The following LRRTM4 variants were observed in gnomAD, a reference collection of about 807,000 sequenced individuals.
The protein encoded by LRRTM4 is leucine-rich repeat transmembrane neuronal protein 4.
A neutral mutation model predicts 47.6 loss-of-function variants in LRRTM4; 25 were observed. The observed-to-expected ratio is 0.53, with a 90% CI of 0.38 to 0.73. The LOEUF (loss-of-function observed/expected upper bound fraction) is 0.73. LRRTM4 is among the 30% of genes least tolerant of loss of function. The pLI is 0.00. For synonymous variants in LRRTM4, 311 were observed against 269.5 expected, an observed-to-expected ratio of 1.15 and a Z score of -1.51; for missense variants, 638 against 713.4, an observed-to-expected ratio of 0.89 and a Z score of 1.20.
chr2:77,031,729 A>G (rs2104141037), intron 3 of LRRTM4, among the ~76,000 whole-genome samples: 1 of 150,734 alleles, frequency 6.6e-6, no homozygotes, highest in Admixed American at 6.6e-5. Flanking sequence ...CTCTAACTAT[A>G]TCTTTGTGTG....
chr2:77,325,830 T>C (rs558776630), intron 3 of LRRTM4, among the ~76,000 whole-genome samples: 19 of 152,172 alleles, frequency 1.2e-4, no homozygotes, highest in Non-Finnish European at 5.9e-5. Context: ...CCATTATGGA[T>C]CATTTTTAAA....
intron 3 of LRRTM4, among the ~76,000 whole-genome samples, chr2:77,203,004 T>G (rs1674020289): frequency 3.9e-5 from 6 of 152,062 alleles, no homozygotes; most frequent in Admixed American, 3.9e-4. Context: ...TTTCGCACAT[T>G]AAGACTACCT....
Position 76,913,543 on chromosome 2 carries a change from A to ATTT in LRRTM4, c.1552-164630_1552-164628dup, listed in dbSNP as rs58615415. Among the ~76,000 whole-genome samples, 6 of 121,484 alleles carry ATTT rather than the reference A, an allele frequency of 4.9e-5. 1 individual carries two copies. The highest frequency in any genetic ancestry group is 9.6e-5 in the Admixed American group (1 of 10,412). The allele number at this position is 121,484 out of a possible 152,430, so 79.7% of individuals were successfully genotyped here. A position where few individuals can be genotyped will look rare whatever the true frequency, so the allele number is the denominator to read the frequency against. On this transcript the variant is annotated intron_variant, in intron 3 of 3. Coordinates refer to ENST00000409884, the MANE Select transcript of LRRTM4 (RefSeq NM_001134745.3). Reference sequence around the variant, plus strand: ...CCAAATATTTAGAGATCCTATTTCAATTTTTTTTTTTTTTGAGACAGAGTC... The same window carrying ATTT: ...CCAAATATTTAGAGATCCTATTTCAATTTTTTTTTTTTTTTTTGAGACAGAGTC...
chr2:77,461,346 C>T (rs368182630), intron 3 of LRRTM4, among the ~76,000 whole-genome samples: 5 of 152,230 alleles, frequency 3.3e-5, no homozygotes, highest in African/African-American at 9.6e-5. Flanking sequence ...AAACTCAGTA[C>T]TTGCCAGCAG....
At chr2:77,041,236 T>C (rs946193636) in intron 3 of LRRTM4, among the ~76,000 whole-genome samples, 2 of 151,632 alleles carry the variant, frequency 1.3e-5, no homozygotes, top group African/African-American at 2.4e-5. Context: ...ATCCATGTTG[T>C]TGTAAATGAC....
At chr2:77,270,988 G>A (rs1281546735) in intron 3 of LRRTM4, among the ~76,000 whole-genome samples, 2 of 152,144 alleles carry the variant, frequency 1.3e-5, no homozygotes, top group Non-Finnish European at 2.9e-5. Context: ...AGGCTCAGTC[G>A]GTAGAGGGAG....
In LRRTM4 at chr2:77,033,242, G is replaced by A. The variant is rs1369183030; in HGVS notation, c.1552-284326C>T. Among the ~76,000 whole-genome samples the A allele has an allele frequency of 2.0e-5, 3 of 151,862 alleles. No individual in the cohort carries two copies. The East Asian group carries it at 5.8e-4, about 29-fold the overall frequency. On this transcript the variant is annotated intron_variant, in intron 3 of 3. Transcript: ENST00000409884. ...TTTCTAAACAAGATCATTGTCACAT[G>A]CATTTATTATTTTAAATGGGCTCTC...
intron 3 of LRRTM4, among the ~76,000 whole-genome samples, chr2:77,252,402 A>G (rs1280484423): frequency 1.3e-5 from 2 of 152,204 alleles, no homozygotes; most frequent in African/African-American, 2.4e-5. Context: ...CCTCTGCGGG[A>G]ACAGGAGCCA....
At position 77,407,712 on chromosome 2, in the gene LRRTM4, C is replaced by A. The variant is rs866316261; in HGVS notation, c.1551+110606G>T. Among the ~76,000 whole-genome samples, 49 of 131,714 alleles carry A rather than the reference C, an allele frequency of 3.7e-4. 2 individuals carry two copies. Among genetic ancestry groups the A allele is most frequent in the African/African-American group, 1.2e-3 (43 of 35,032 alleles). 86.4% of individuals were successfully genotyped at this position (131,714 alleles called of 152,430 possible). A position where few individuals can be genotyped will look rare whatever the true frequency, so the allele number is the denominator to read the frequency against. ...ATAATATATGATATATATAATATAT[C>A]ATATATTATATTATATATTATATAT... On this transcript the variant is annotated intron_variant, in intron 3 of 3. Transcript: ENST00000409884.
chr2:77,329,699 G>A (rs933516065), intron 3 of LRRTM4, among the ~76,000 whole-genome samples: 2 of 152,132 alleles, frequency 1.3e-5, no homozygotes, highest in African/African-American at 2.4e-5. Context: ...ACAAATGCCT[G>A]CCACCAGCAG....
At chr2:77,294,557 C>T (rs763288085) in intron 3 of LRRTM4, among the ~76,000 whole-genome samples, 11 of 152,020 alleles carry the variant, frequency 7.2e-5, no homozygotes, top group Non-Finnish European at 1.6e-4. Flanking sequence ...TCTTCAGAAG[C>T]TAACTACATG....
At chr2:77,356,264 G>T (rs1173273610) in intron 3 of LRRTM4, among the ~76,000 whole-genome samples, 3 of 152,122 alleles carry the variant, frequency 2.0e-5, no homozygotes, top group Admixed American at 1.3e-4. Context: ...ATAATCTGAA[G>T]AACATTTCAA....
intron 3 of LRRTM4, among the ~76,000 whole-genome samples, chr2:77,511,571 T>C (rs1573511641): frequency 1.3e-5 from 2 of 151,956 alleles, no homozygotes; most frequent in South Asian, 2.1e-4. Flanking sequence ...GTTTGCTAAC[T>C]TATTTTAAGC....
chr2:77,029,055 ATATAT>A lies in LRRTM4; in HGVS notation c.1552-280144_1552-280140del, dbSNP rs550769394. Among the ~76,000 whole-genome samples, 239 of 143,982 alleles carry A rather than the reference ATATAT, an allele frequency of 1.7e-3. 8 individuals are homozygous for A. In the South Asian group the frequency reaches 0.048, roughly 29 times the overall value. The allele number at this position is 143,982 out of a possible 152,430, so 94.5% of individuals were successfully genotyped here. On this transcript the variant is annotated intron_variant, in intron 3 of 3. Coordinates refer to ENST00000409884, the MANE Select transcript of LRRTM4 (RefSeq NM_001134745.3). ...ATCACACACACACACACACACAAAT[ATATAT>A]ATATATATATAATATATATATATTA... is the stretch of plus-strand genomic sequence containing the variant.
intron 3 of LRRTM4, among the ~76,000 whole-genome samples, chr2:76,910,531 C>T (rs539987258): frequency 6.6e-6 from 1 of 152,128 alleles, no homozygotes; most frequent in South Asian, 2.1e-4. Flanking sequence ...TCTTATAGCA[C>T]CATTATTACG....
chr2:77,244,400 T>A (rs993008428), intron 3 of LRRTM4, among the ~76,000 whole-genome samples: 1 of 152,106 alleles, frequency 6.6e-6, no homozygotes, highest in Non-Finnish European at 1.5e-5. Context: ...GTGTAAAGCA[T>A]TCATATTAAT....
chr2:77,016,813 C>T (rs1319466582), intron 3 of LRRTM4, among the ~76,000 whole-genome samples: 3 of 152,000 alleles, frequency 2.0e-5, no homozygotes, highest in African/African-American at 4.8e-5. Flanking sequence ...CATTTGCCGC[C>T]TCTGGCTGCA....
chr2:77,040,978 T>C (rs1679009879), intron 3 of LRRTM4, among the ~76,000 whole-genome samples: 1 of 151,464 alleles, frequency 6.6e-6, no homozygotes, highest in Non-Finnish European at 1.5e-5. Flanking sequence ...ATACACATTA[T>C]TATAATTATA....
At chr2:77,251,560 G>C (rs1385022418) in intron 3 of LRRTM4, among the ~76,000 whole-genome samples, 3 of 152,006 alleles carry the variant, frequency 2.0e-5, no homozygotes, top group Non-Finnish European at 1.5e-5. Flanking sequence ...TCCCTGCTCT[G>C]TGAACTTCAC....
Sources: gnomAD v4.1 joint callset for allele counts (sites outside exome capture counted in the v4.1 genomes callset) on GRCh38, gnomAD v4.1.1 for gene constraint, MANE v1.5 for transcripts, NCBI Gene and HGNC (gene_info 2026-07-23, HGNC 2026-07-21) for gene names.